Variants in LUZP2 observed in about 807,000 individuals in gnomAD.
LUZP2 encodes the protein leucine zipper protein 2.
Under a neutral mutation model 51.6 loss-of-function variants are expected in LUZP2, and 52 were observed. The ratio of observed to expected loss-of-function variants is 1.01; its 90% CI spans 0.81 to 1.27. The LOEUF is 1.27. Ranked by LOEUF, LUZP2 falls within the 50% of genes most tolerant of loss-of-function variation. LUZP2 has a pLI of 0.00. For synonymous variants in LUZP2, 154 were observed against 137.3 expected (o/e 1.12, Z -0.85); for missense variants, 436 against 395.4 (o/e 1.10, Z -0.87).
chr11:24,541,750 G>A (rs191659569), intron 1 of LUZP2, among the ~76,000 whole-genome samples: 61 of 152,202 alleles, frequency 4.0e-4, no homozygotes, highest in African/African-American at 1.4e-3. Context: ...AATCTCAGAT[G>A]TCAAGTGATT....
chr11:24,902,149 T>C (rs1489130166), intron 5 of LUZP2, among the ~76,000 whole-genome samples: 1 of 152,168 alleles, frequency 6.6e-6, no homozygotes. Context: ...CATCTAATAA[T>C]AGTAATTAGG....
chr11:24,849,111 GAC>G (rs1360621957), intron 5 of LUZP2, among the ~76,000 whole-genome samples: 2 of 145,160 alleles, frequency 1.4e-5, no homozygotes, highest in East Asian at 4.2e-4. Flanking sequence ...TAGTTTCTGT[GAC>G]AGGATACTCA....
At chr11:24,766,368 A>G (rs766364635) in intron 5 of LUZP2, among the ~76,000 whole-genome samples, 5 of 152,140 alleles carry the variant, frequency 3.3e-5, no homozygotes, top group Admixed American at 6.5e-5. Flanking sequence ...TTTCTTTCCA[A>G]TATGTTGAGT....
chr11:24,747,444 G>A (rs931044568), intron 4 of LUZP2, among the ~76,000 whole-genome samples: 3 of 152,134 alleles, frequency 2.0e-5, no homozygotes, highest in African/African-American at 7.2e-5. Context: ...TGTTCTGGTG[G>A]AGGTGGCAGT....
chr11:24,696,546 T>A (rs1046000612), intron 1 of LUZP2, among the ~76,000 whole-genome samples: 14 of 152,106 alleles, frequency 9.2e-5, no homozygotes, highest in African/African-American at 3.4e-4. Context: ...TACTTCATAA[T>A]AACATACTCA....
At chr11:24,702,489 C>T (rs1469931206) in intron 1 of LUZP2, among the ~76,000 whole-genome samples, 1 of 152,154 alleles carries the variant, frequency 6.6e-6, no homozygotes, top group Non-Finnish European at 1.5e-5. Flanking sequence ...TCTGCTGAGG[C>T]CTCAGTGAGC....
intron 1 of LUZP2, among the ~76,000 whole-genome samples, chr11:24,498,201 AC>A (rs1465229870): frequency 6.6e-6 from 1 of 152,024 alleles, no homozygotes; most frequent in African/African-American, 2.4e-5. Flanking sequence ...ATTGGCAGCA[AC>A]CTCTTTCCCT....
chr11:24,886,136 T>C (rs186411149), intron 5 of LUZP2, among the ~76,000 whole-genome samples: 10 of 152,294 alleles, frequency 6.6e-5, no homozygotes, highest in African/African-American at 2.2e-4. Context: ...AAGTAGAAAT[T>C]AATCTGTATG....
chr11:24,976,305 C>T (rs897332881), intron 7 of LUZP2, among the ~76,000 whole-genome samples: 32 of 151,802 alleles, frequency 2.1e-4, no homozygotes, highest in Non-Finnish European at 1.8e-4. Flanking sequence ...CACAGGTATT[C>T]CTAGGGACTT....
intron 1 of LUZP2, among the ~76,000 whole-genome samples, chr11:24,564,558 A>G (rs768538605): frequency 2.6e-4 from 39 of 152,150 alleles, no homozygotes; most frequent in Non-Finnish European, 4.7e-4. Context: ...GTTGTATGTA[A>G]GCCATCAAAA....
intron 1 of LUZP2, among the ~76,000 whole-genome samples, chr11:24,723,853 A>G (rs1188797314): frequency 6.6e-6 from 1 of 152,194 alleles, no homozygotes; most frequent in African/African-American, 2.4e-5. Flanking sequence ...AATGAAAAAT[A>G]AAAAGTAATA....
At chr11:24,932,876 G>C (rs1854496071) in intron 7 of LUZP2, among the ~76,000 whole-genome samples, 1 of 152,154 alleles carries the variant, frequency 6.6e-6, no homozygotes, top group Admixed American at 6.5e-5. Flanking sequence ...AGTACAGCTG[G>C]ACGTTTCCTT....
chr11:25,035,800 C>A (rs1263774792), intron 9 of LUZP2, among the ~76,000 whole-genome samples: 1 of 152,066 alleles, frequency 6.6e-6, no homozygotes, highest in Non-Finnish European at 1.5e-5. Flanking sequence ...ACTAGCCTTG[C>A]ATCCTAGGAG....
chr11:24,962,767 A>G (rs1406795818), intron 7 of LUZP2, among the ~76,000 whole-genome samples: 2 of 152,144 alleles, frequency 1.3e-5, no homozygotes, highest in African/African-American at 4.8e-5. Flanking sequence ...CAACTCGTCA[A>G]AGTCATTCTC....
At chr11:24,511,180 G>T (rs1392132236) in intron 1 of LUZP2, among the ~76,000 whole-genome samples, 1 of 152,114 alleles carries the variant, frequency 6.6e-6, no homozygotes, top group African/African-American at 2.4e-5. Flanking sequence ...TGCTATGTAA[G>T]TTGATTCAGT....
At chr11:24,718,382 G>T (rs528500783) in intron 1 of LUZP2, among the ~76,000 whole-genome samples, 1 of 152,162 alleles carries the variant, frequency 6.6e-6, no homozygotes, top group Non-Finnish European at 1.5e-5. Flanking sequence ...AGTCTTTTGC[G>T]CAGATTAATC....
intron 1 of LUZP2, among the ~76,000 whole-genome samples, chr11:24,677,832 G>A (rs1366326447): frequency 4.6e-5 from 7 of 152,004 alleles, no homozygotes; most frequent in African/African-American, 1.4e-4. Flanking sequence ...GGCCGATCAC[G>A]AGGTCAGGAG....
At chr11:24,944,526 A>T (rs1436090931) in intron 7 of LUZP2, among the ~76,000 whole-genome samples, 1 of 152,216 alleles carries the variant, frequency 6.6e-6, no homozygotes, top group Non-Finnish European at 1.5e-5. Flanking sequence ...TATCCAGTAG[A>T]GAGTAGAAAA....
intron 9 of LUZP2, among the ~76,000 whole-genome samples, chr11:25,014,950 G>A (rs1016313104): frequency 6.6e-6 from 1 of 152,122 alleles, no homozygotes; most frequent in Non-Finnish European, 1.5e-5. Flanking sequence ...AAGGGATCCA[G>A]TTTCAGCTTT....
Sources: allele counts gnomAD v4.1 joint callset (sites outside exome capture counted in the v4.1 genomes callset), GRCh38; gene constraint gnomAD v4.1.1; transcripts MANE v1.5; gene names NCBI Gene and HGNC (gene_info 2026-07-23, HGNC 2026-07-21).